The following TLE4 variants were observed in gnomAD, a reference collection of about 807,000 sequenced individuals.
The protein encoded by TLE4 is TLE family member 4, transcriptional corepressor, also known as transducin-like enhancer protein 4.
A neutral mutation model predicts 92.8 loss-of-function variants in TLE4; 8 were observed. The ratio of observed to expected loss-of-function variants is 0.09; its 90% CI spans 0.05 to 0.16. The LOEUF (loss-of-function observed/expected upper bound fraction) is 0.16. TLE4 is among the 10% of genes least tolerant of loss of function. The pLI is 1.00. For missense variants in TLE4, 675 were observed against 997.6 expected, an observed-to-expected ratio of 0.68 and a Z score of 4.36; for synonymous variants, 371 against 374.1, an observed-to-expected ratio of 0.99 and a Z score of 0.10.
In TLE4 at chr9:79,652,604, G is replaced by A. The variant is rs374562198; in HGVS notation, c.402G>A (p.Gln134=). 6 of 1,614,002 alleles carry A rather than the reference G, an allele frequency of 3.7e-6. No homozygotes were observed. The highest frequency in any genetic ancestry group is 1.7e-5 in the Admixed American group (1 of 59,998). Residue 134 remains glutamine (Q), a synonymous_variant, in exon 7 of 20, where the codon CAG becomes CAA. Coordinates refer to ENST00000376552, the MANE Select transcript of TLE4 (RefSeq NM_007005.6). ...ELNAIIGQQL[Q]AQHLSHGHGL... ...ATTTTTCACAGCAGCAACAACTCCA[G>A]GCCCAGCATTTATCACATGGACATG... is the stretch of plus-strand genomic sequence containing the variant.
chr9:79,673,253 G>T (rs2062715382), intron 8 of TLE4, among the ~76,000 whole-genome samples: 2 of 152,114 alleles, frequency 1.3e-5, no homozygotes, highest in Non-Finnish European at 1.5e-5. Context: ...TTTTTTTATA[G>T]TGTCACAACA....
chr9:79,715,371 C>T (rs1247953771), intron 14 of TLE4, among the ~76,000 whole-genome samples: 1 of 152,108 alleles, frequency 6.6e-6, no homozygotes, highest in Non-Finnish European at 1.5e-5. Context: ...CGGCCATCAT[C>T]CCTCAGAACC....
chr9:79,692,246 G>C (rs1450444851), intron 8 of TLE4, among the ~76,000 whole-genome samples: 1 of 151,772 alleles, frequency 6.6e-6, no homozygotes, highest in Non-Finnish European at 1.5e-5. Flanking sequence ...GGAAGAGCGC[G>C]ACTTCTGAAG....
intron 15 of TLE4, among the ~76,000 whole-genome samples, chr9:79,719,791 T>C (rs1160982616): frequency 6.6e-6 from 1 of 152,150 alleles, no homozygotes; most frequent in African/African-American, 2.4e-5. Context: ...TTGGTGGTGG[T>C]GGGAGTGGGT....
intron 4 of TLE4, among the ~76,000 whole-genome samples, chr9:79,588,921 A>G (rs1316229877): frequency 6.6e-6 from 1 of 152,182 alleles, no homozygotes; most frequent in Non-Finnish European, 1.5e-5. Flanking sequence ...AGAATTAGGG[A>G]GGTACTGTGC....
chr9:79,587,732 C>T (rs1202632930), intron 4 of TLE4, among the ~76,000 whole-genome samples: 1 of 152,112 alleles, frequency 6.6e-6, no homozygotes, highest in Admixed American at 6.5e-5. Flanking sequence ...GCAGTTGTAG[C>T]TGCATCTTCC....
At chr9:79,646,571 G>GCTTT (rs2058132582) in intron 6 of TLE4, among the ~76,000 whole-genome samples, 1 of 152,132 alleles carries the variant, frequency 6.6e-6, no homozygotes, top group Non-Finnish European at 1.5e-5. Flanking sequence ...TTTATTTAAA[G>GCTTT]AAGATGTTTT....
intron 4 of TLE4, among the ~76,000 whole-genome samples, chr9:79,611,469 T>C (rs2048348707): frequency 2.6e-5 from 4 of 152,098 alleles, no homozygotes; most frequent in Admixed American, 2.6e-4. Context: ...TTAGAAGGGT[T>C]GCTGATGAAA....
intron 4 of TLE4, among the ~76,000 whole-genome samples, chr9:79,605,718 C>T (rs1210664630): frequency 6.6e-6 from 1 of 152,094 alleles, no homozygotes; most frequent in East Asian, 1.9e-4. Flanking sequence ...CCCACATGAG[C>T]ACCACAAACA....
intron 6 of TLE4, among the ~76,000 whole-genome samples, chr9:79,649,133 G>A (rs1010629363): frequency 2.0e-5 from 3 of 152,068 alleles, no homozygotes; most frequent in Admixed American, 6.6e-5. Context: ...AAGAATGGTG[G>A]GCCTGCAGTC....
rs1337062112 is a variant in TLE4, at chr9:79,622,308, T to C, written c.316-5066T>C. ...AAGAAGGCCCTATGAAATTCTACTC[T>C]GCTTGTCTGCAGCTGTGTCCCCTAC... On this transcript the variant is annotated intron_variant, in intron 5 of 19. Coordinates refer to ENST00000376552, the MANE Select transcript of TLE4 (RefSeq NM_007005.6). Among the ~76,000 whole-genome samples, 8 of 152,294 alleles carry C rather than the reference T, an allele frequency of 5.3e-5. No homozygotes were observed. In the East Asian group the frequency reaches 1.4e-3, roughly 26 times the overall value.
intron 8 of TLE4, among the ~76,000 whole-genome samples, chr9:79,695,349 TCTCA>T (rs1474859526): frequency 0.069 from 2,789 of 40,616 alleles, 71 homozygotes; most frequent in African/African-American, 0.15. Context: ...CAAATGCATA[TCTCA>T]CACACACACA....
chr9:79,623,699 G>GTTT (rs35464327), intron 5 of TLE4, among the ~76,000 whole-genome samples: 10 of 137,286 alleles, frequency 7.3e-5, no homozygotes, highest in South Asian at 4.5e-4. Context: ...CAATCTAAGG[G>GTTT]TTTTTTTTTT....
At chr9:79,689,063 A>T (rs2066482349) in intron 8 of TLE4, among the ~76,000 whole-genome samples, 1 of 149,174 alleles carries the variant, frequency 6.7e-6, no homozygotes, top group Non-Finnish European at 1.5e-5. Flanking sequence ...AGCTTGACCC[A>T]CTACTCCATT....
chr9:79,703,343 A>G (rs969544708), intron 8 of TLE4, among the ~76,000 whole-genome samples: 1 of 151,952 alleles, frequency 6.6e-6, no homozygotes, highest in Non-Finnish European at 1.5e-5. Flanking sequence ...GCCATTCACC[A>G]CTCAGCAGCA....
intron 4 of TLE4, among the ~76,000 whole-genome samples, chr9:79,585,048 A>C (rs913070000): frequency 6.6e-6 from 1 of 152,236 alleles, no homozygotes; most frequent in Non-Finnish European, 1.5e-5. Flanking sequence ...GTGTTTAGCT[A>C]ACTTCCCTGC....
intron 3 of TLE4, 107 bp from the exon 4 acceptor site, chr9:79,576,026 A>G: frequency 1.6e-6 from 1 of 640,950 alleles, no homozygotes; most frequent in Non-Finnish European, 2.4e-6. Flanking sequence ...ATACTGGTTT[A>G]GGTGAGGCTT....
chr9:79,698,961 A>G (rs1242174070), intron 8 of TLE4, among the ~76,000 whole-genome samples: 5 of 151,722 alleles, frequency 3.3e-5, no homozygotes, highest in Non-Finnish European at 7.4e-5. Flanking sequence ...AAAGAGCTCA[A>G]TGAATGGGAA....
At chr9:79,647,408 G>T (rs2058263021) in intron 6 of TLE4, among the ~76,000 whole-genome samples, 1 of 152,030 alleles carries the variant, frequency 6.6e-6, no homozygotes, top group African/African-American at 2.4e-5. Context: ...AAAATTAAAA[G>T]ACCGACAATA....
Sources: allele counts gnomAD v4.1 joint callset (sites outside exome capture counted in the v4.1 genomes callset), GRCh38; gene constraint gnomAD v4.1.1; transcripts MANE v1.5; gene names NCBI Gene and HGNC (gene_info 2026-07-23, HGNC 2026-07-21).